The following SYNE1 variants were observed in gnomAD, a reference collection of about 807,000 sequenced individuals.
SYNE1 encodes nesprin-1.
SYNE1 carries 616 observed loss-of-function variants against 1,111.0 expected under a neutral mutation model. That is an observed-to-expected ratio of 0.55 (90% confidence interval 0.52 to 0.59). SYNE1 has a LOEUF of 0.59. Among genes scored for constraint, SYNE1 ranks in the 20% least tolerant of loss-of-function variants. The pLI, the probability that SYNE1 is intolerant of heterozygous loss-of-function variation, is 0.00. For synonymous variants in SYNE1, 3,855 were observed against 3,825.8 expected (o/e 1.01, Z -0.28); for missense variants, 10,006 against 10,417.0 (o/e 0.96, Z 1.72).
At chr6:152,370,023 A>T (rs1283040579) in intron 59 of SYNE1, among the ~76,000 whole-genome samples, 1 of 151,734 alleles carries the variant, frequency 6.6e-6, no homozygotes, top group African/African-American at 2.4e-5. Flanking sequence ...ACAAAAAAAA[A>T]ACCAAGCCCG....
At chr6:152,214,876 A>G (rs371962706) in intron 122 of SYNE1, 30 bp downstream of exon 122, 21 of 1,613,706 alleles carry the variant, frequency 1.3e-5, no homozygotes, top group Non-Finnish European at 1.8e-5. Context: ...AGACAACTGG[A>G]GCAACCAAGA....
At chr6:152,287,729 T>G (rs543512673) in intron 95 of SYNE1, among the ~76,000 whole-genome samples, 40 of 152,218 alleles carry the variant, frequency 2.6e-4, no homozygotes, top group African/African-American at 9.6e-4. Context: ...GTATTTTTAG[T>G]AGAGATGTGG....
chr6:152,548,387 C>A (rs546212822), intron 3 of SYNE1, among the ~76,000 whole-genome samples: 1 of 152,306 alleles, frequency 6.6e-6, no homozygotes, highest in South Asian at 2.1e-4. Context: ...CCACGTGTGG[C>A]TCACTGGATT....
intron 82 of SYNE1, 47 bp from the exon 83 acceptor site, chr6:152,321,933 C>A: frequency 6.2e-7 from 1 of 1,607,974 alleles, no homozygotes; most frequent in Non-Finnish European, 8.5e-7. Flanking sequence ...TGAAAGGAAC[C>A]CCCTAATACT....
Position 152,230,176 on chromosome 6 carries a change from G to C in SYNE1, c.21195+371C>G, listed in dbSNP as rs1468816437. 9.9e-5 allele frequency among the ~76,000 whole-genome samples: 15 copies of C among 152,044 alleles called. No homozygotes were observed. In the East Asian group the frequency reaches 2.9e-3, roughly 30 times the overall value. On this transcript the variant is annotated intron_variant, in intron 115 of 145. Coordinates refer to ENST00000367255, the MANE Select transcript of SYNE1 (RefSeq NM_182961.4). Reference sequence around the variant, plus strand: ...GCCTCCTGAGTAGCTGGGACTACAGGGACAAGCACCACCACGTCTGGCTGA... The same window carrying C: ...GCCTCCTGAGTAGCTGGGACTACAGCGACAAGCACCACCACGTCTGGCTGA...
chr6:152,342,940 C>G (rs911366854), intron 74 of SYNE1, among the ~76,000 whole-genome samples: 1 of 152,064 alleles, frequency 6.6e-6, no homozygotes, highest in Non-Finnish European at 1.5e-5. Context: ...GCTAGTATTA[C>G]TTTTCTGTTT....
intron 63 of SYNE1, among the ~76,000 whole-genome samples, 155 bp from the exon 64 acceptor site, chr6:152,362,478 C>T (rs2096950232): frequency 6.6e-6 from 1 of 152,164 alleles, no homozygotes; most frequent in South Asian, 2.1e-4. Flanking sequence ...GGCTTAAGGA[C>T]ACTGAGTCCA....
In SYNE1 at chr6:152,200,595, C is replaced by T. The variant is rs190675352; in HGVS notation, c.23145+1229G>A. The stretch of plus-strand genomic sequence containing the variant: ...AATTTCTTTAGATATGGAGTCTTGC[C>T]ATATTGCCCAGGCTGATCTTGAACA... On this transcript the variant is annotated intron_variant, in intron 127 of 145. Transcript: ENST00000367255. 3.3e-5 allele frequency among the ~76,000 whole-genome samples: 5 copies of T among 152,174 alleles called. No homozygotes were observed. In the East Asian group the frequency reaches 9.7e-4, roughly 29 times the overall value.
chr6:152,563,250 C>A (rs1249251151), intron 3 of SYNE1, among the ~76,000 whole-genome samples: 1 of 152,088 alleles, frequency 6.6e-6, no homozygotes, highest in Admixed American at 6.5e-5. Flanking sequence ...ACCAAGGGAA[C>A]TTCCAACTCT....
intron 3 of SYNE1, among the ~76,000 whole-genome samples, chr6:152,604,009 T>C (rs1442301787): frequency 1.3e-5 from 2 of 149,554 alleles, no homozygotes; most frequent in Non-Finnish European, 3.0e-5. Flanking sequence ...TATATACATA[T>C]GTATATCTAT....
At chr6:152,229,812 T>G (rs913586755) in intron 115 of SYNE1, among the ~76,000 whole-genome samples, 3 of 152,190 alleles carry the variant, frequency 2.0e-5, no homozygotes. Context: ...TTATTTTGAA[T>G]AAGTTAACAT....
At chr6:152,304,416 C>G (rs1303030801) in intron 91 of SYNE1, among the ~76,000 whole-genome samples, 2 of 152,176 alleles carry the variant, frequency 1.3e-5, no homozygotes, top group Non-Finnish European at 2.9e-5. Flanking sequence ...CTCACTGCAA[C>G]CTCCATCTCC....
intron 98 of SYNE1, among the ~76,000 whole-genome samples, chr6:152,276,920 T>C (rs1171890143): frequency 1.4e-5 from 2 of 146,488 alleles, no homozygotes; most frequent in Admixed American, 6.9e-5. Flanking sequence ...CGTCTCCCTC[T>C]GTCTCCCAGG....
intron 107 of SYNE1, among the ~76,000 whole-genome samples, chr6:152,241,065 T>C (rs1036500570): frequency 2.6e-5 from 4 of 152,244 alleles, no homozygotes; most frequent in African/African-American, 9.6e-5. Context: ...CCAGAAGGGC[T>C]GTCTGCTCAA....
In SYNE1 at chr6:152,239,665, T is replaced by C. The variant is rs753327099; in HGVS notation, c.19935A>G (p.Glu6645=). The change falls in exon 108 of 146, where the codon GAA becomes GAG. Residue 6645 remains glutamate, a synonymous_variant. Transcript: ENST00000367255. ...AGCTGATTATCTTTCTGAAGAGTGTTTCAGTCAAGATCATATGAGATTCCA... is the reference window on the plus strand; with the variant it reads ...AGCTGATTATCTTTCTGAAGAGTGTCTCAGTCAAGATCATATGAGATTCCA... ...QGLESHMILT[E]TLFRKIISFA... is the part of the protein sequence containing the mutation. The C allele has an allele frequency of 6.2e-7, 1 of 1,614,218 alleles. No homozygotes were observed. Among genetic ancestry groups the C allele is most frequent in the Admixed American group, 1.7e-5 (1 of 60,022 alleles).
chr6:152,128,784 T>C (rs1207046447), intron 145 of SYNE1: 10 of 152,290 alleles, frequency 6.6e-5, no homozygotes, highest in Middle Eastern at 3.4e-3. Context: ...CAAGTCTCAA[T>C]GTAAAGGAAC....
chr6:152,458,297 T>C (rs2098709939), intron 22 of SYNE1, among the ~76,000 whole-genome samples: 1 of 152,276 alleles, frequency 6.6e-6, no homozygotes, highest in Non-Finnish European at 1.5e-5. Flanking sequence ...CTATAACACA[T>C]CCCTTATTTC....
chr6:152,134,177 A>G (rs2056514837), intron 142 of SYNE1: 1 of 152,322 alleles, frequency 6.6e-6, no homozygotes, highest in African/African-American at 2.4e-5. Context: ...ATATTGTCCA[A>G]AGATCCTTGT....
rs1435803196 is a variant in SYNE1 at position 152,231,421 on chromosome 6, C to T, written c.21009G>A (p.Trp7003Ter). The change falls in exon 114 of 146, where the codon TGG becomes TGA. Residue 7003 changes from tryptophan to a stop codon, truncating the protein, a stop_gained. Transcript: ENST00000367255. LOFTEE classifies it high-confidence loss of function. ...AEQLGAMNKSWQILQGLVTEK... is the reference protein window; with the variant it reads ...AEQLGAMNKS ...CAGTTACTAGACCTTGCAGAATTTG[C>T]CAACTTTTATTCATTGCTCCAAGTT... The T allele has an allele frequency of 6.2e-7, 1 of 1,613,970 alleles. No individual in the cohort carries two copies. The highest frequency in any genetic ancestry group is 2.2e-5 in the East Asian group (1 of 44,882).
Sources: allele counts gnomAD v4.1 joint callset (sites outside exome capture counted in the v4.1 genomes callset), GRCh38; gene constraint gnomAD v4.1.1; transcripts MANE v1.5; gene names NCBI Gene and HGNC (gene_info 2026-07-23, HGNC 2026-07-21).